INPPL1: variants seen among roughly 807,000 people sequenced by gnomAD.
INPPL1 encodes phosphatidylinositol 3,4,5-trisphosphate 5-phosphatase 2.
INPPL1 carries 91 observed loss-of-function variants against 139.3 expected under a neutral mutation model. The observed-to-expected ratio is 0.65, with a 90% CI of 0.55 to 0.78. The LOEUF is 0.78. Among genes scored for constraint, INPPL1 ranks in the 30% least tolerant of loss-of-function variants. The probability of loss-of-function intolerance (pLI) is 0.00; values close to 1 mark genes in which losing one functional copy is unlikely to be tolerated. For missense variants in INPPL1, 1,411 were observed against 1,665.6 expected (o/e 0.85, Z 2.66); for synonymous variants, 719 against 686.6 (o/e 1.05, Z -0.74).
intron 26 of INPPL1, 112 bp from the exon 27 acceptor site, chr11:72,237,930 A>T (rs552297008): frequency 7.1e-5 from 103 of 1,446,014 alleles, no homozygotes; most frequent in Admixed American, 5.1e-5. Flanking sequence ...TGGGAGACAC[A>T]TGTATCAGCC....
At chr11:72,230,933 G>C (rs1324718308) in intron 11 of INPPL1, 35 bp downstream of exon 11, 2 of 1,612,348 alleles carry the variant, frequency 1.2e-6, no homozygotes, top group South Asian at 1.1e-5. Flanking sequence ...CGGGAGAGAG[G>C]GATGGCCCCA....
rs1281681882 is a variant in INPPL1, at chr11:72,233,139, C to T, written c.2016C>T (p.Ala672=). 1 of 1,613,976 alleles carries T rather than the reference C, an allele frequency of 6.2e-7. No individual in the cohort carries two copies. Among genetic ancestry groups the T allele is most frequent in the Non-Finnish European group, 8.5e-7 (1 of 1,179,972 alleles). The part of the protein sequence containing the change: ...RYERGSRDTY[A]WHKQKPTGVR... ...AGCGGGGTTCCCGGGACACATATGC[C>T]TGGCACAAGCAGAAGCCAACTGGGG... The change falls in exon 17 of 28, where the codon GCC becomes GCT. Residue 672 remains alanine (A), a synonymous_variant. Coordinates refer to ENST00000298229, the MANE Select transcript of INPPL1 (RefSeq NM_001567.4).
Position 72,231,042 on chromosome 11 carries a change from T to G in INPPL1, c.1350T>G (p.Gly450=). Residue 450 remains glycine, a synonymous_variant, in exon 12 of 28, where the codon GGT becomes GGG. Coordinates refer to ENST00000298229, the MANE Select transcript of INPPL1 (RefSeq NM_001567.4). ...TGACATCCTGGTTCACATCGAAGGG[T>G]CTGGGGAAGACCCTGGACGAGGTCA... is the stretch of plus-strand genomic sequence containing the variant. ...KNVTSWFTSK[G]LGKTLDEVTV... The G allele has an allele frequency of 6.2e-7, 1 of 1,614,022 alleles. No individual in the cohort carries two copies. Among genetic ancestry groups the G allele is most frequent in the Non-Finnish European group, 8.5e-7 (1 of 1,179,988 alleles).
chr11:72,235,504 G>A lies in INPPL1; in HGVS notation c.2659+53G>A. On this transcript the variant is annotated intron_variant, in intron 23 of 27. Coordinates refer to ENST00000298229, the MANE Select transcript of INPPL1 (RefSeq NM_001567.4). This position sits in a 1 kb window ranked among gnomAD's most constrained non-coding sequence, Gnocchi z 4.9. Reference sequence around the variant, plus strand: ...GGGTGGTGTGAACAGATCAAGGAGGGCAGGGTGCGGGGGGCATGTTGGAAT... The same window carrying A: ...GGGTGGTGTGAACAGATCAAGGAGGACAGGGTGCGGGGGGCATGTTGGAAT... 6.3e-7 allele frequency: 1 copy of A among 1,591,166 alleles called. No individual in the cohort carries two copies. Among genetic ancestry groups the A allele is most frequent in the Non-Finnish European group, 8.6e-7 (1 of 1,168,110 alleles).
At chr11:72,230,933 G>A (rs1324718308) in intron 11 of INPPL1, 35 bp downstream of exon 11, 3 of 1,612,230 alleles carry the variant, frequency 1.9e-6, no homozygotes, top group Admixed American at 1.7e-5. Flanking sequence ...CGGGAGAGAG[G>A]GATGGCCCCA....
Position 72,238,167 on chromosome 11 carries a change from G to C in INPPL1, c.3678G>C (p.Glu1226Asp), listed in dbSNP as rs577298407. 1.5e-5 allele frequency: 24 copies of C among 1,602,714 alleles called. No homozygotes were observed. The highest frequency in any genetic ancestry group is 2.0e-5 in the Non-Finnish European group (24 of 1,174,798). Residue 1226 changes from glutamate (E) to aspartate (D), a missense_variant, in exon 27 of 28, where the codon GAG (glutamate) becomes GAC (aspartate). Transcript: ENST00000298229. The stretch of plus-strand genomic sequence containing the variant: ...TGCATAATGGCTGGGACGACCTGGA[G>C]TTTCTCAGGTGGGGGAGGGGCTGGC... ...GLVHNGWDDL[E>D]FLSDITEEDL...
chr11:72,223,818 G>A (rs944489552), upstream of INPPL1: 2 of 150,382 alleles, frequency 1.3e-5, no homozygotes, highest in African/African-American at 4.9e-5. Context: ...GGCGAGGCGC[G>A]GTGCTGCCCC....
intron 6 of INPPL1, 29 bp downstream of exon 6, chr11:72,229,587 G>A: frequency 1.9e-6 from 3 of 1,612,974 alleles, no homozygotes; most frequent in Non-Finnish European, 2.5e-6. Flanking sequence ...TCTGGGAGGT[G>A]CGTTCGTGTT....
In INPPL1 at chr11:72,235,211, G is replaced by GTGAGGGGTGC. The variant is rs1948951419; in HGVS notation, c.2503+16_2503+25dup. 1.9e-6 allele frequency: 3 copies of GTGAGGGGTGC among 1,613,948 alleles called. No individual in the cohort carries two copies. ...ATGGCTATGAATCCTATGGTGAGGG[G>GTGAGGGGTGC]TGAGGGGTGCTGAGGGGAACAGGAA... On this transcript the variant is annotated intron_variant, in intron 22 of 27. Transcript: ENST00000298229. The surrounding 1 kb of genome is among the most constrained non-coding windows in gnomAD (Gnocchi z 4.9).
At position 72,238,293 on chromosome 11, in the gene INPPL1, T is replaced by C. The variant is rs767090130; in HGVS notation, c.3717T>C (p.Ala1239=). 1 of 1,608,190 alleles carries C rather than the reference T, an allele frequency of 6.2e-7. No individual in the cohort carries two copies. Among genetic ancestry groups the C allele is most frequent in the East Asian group, 2.2e-5 (1 of 44,658 alleles). Residue 1239 remains alanine (A), a synonymous_variant, in exon 28 of 28, where the codon GCT becomes GCC. Coordinates refer to ENST00000298229, the MANE Select transcript of INPPL1 (RefSeq NM_001567.4). The part of the protein sequence containing the change: ...SDITEEDLEE[A]GVQDPAHKRL... ...TCACCGAGGAGGACTTGGAGGAGGC[T>C]GGGGTGCAGGACCCGGCTCACAAGC...
intron 14 of INPPL1, 73 bp from the exon 15 acceptor site, chr11:72,232,552 CT>C: frequency 6.4e-7 from 1 of 1,562,828 alleles, no homozygotes. Flanking sequence ...GACTTCTTCC[CT>C]TTATGCCTAT....
Position 72,228,444 on chromosome 11 carries a change from C to T in INPPL1, c.343C>T (p.Leu115Phe), listed in dbSNP as rs1005849096. The T allele has an allele frequency of 1.2e-6, 2 of 1,612,326 alleles. No homozygotes were observed. The highest frequency in any genetic ancestry group is 1.3e-5 in the African/African-American group (1 of 75,014). Residue 115 changes from leucine to phenylalanine, a missense_variant, in exon 3 of 28, where the codon CTT becomes TTT. Leu to Phe is a conservative substitution (Grantham distance 22). Around this residue, in one of 5 missense-constraint regions of INPPL1, gnomAD observed 504 missense variants for 595.6 expected, o/e 0.85. Coordinates refer to ENST00000298229, the MANE Select transcript of INPPL1 (RefSeq NM_001567.4). The surrounding 1 kb of genome is among the most constrained non-coding windows in gnomAD (Gnocchi z 5.0). The part of the protein sequence containing the change: ...PNQGLVCALL[L>F]PVEGEREPDP... ...CCAGGGCCTTGTGTGCGCCCTGCTT[C>T]TTCCTGTAGAGGGTGAGCGAGAGCC...
rs746784288 is a variant in INPPL1, at chr11:72,230,855, C to T, written c.1257C>T (p.Asp419=). The change falls in exon 11 of 28, where the codon GAC becomes GAT. Residue 419 remains aspartate, a synonymous_variant. Transcript: ENST00000298229. ...QLMKNKHSKQ[D]EPDMISVFIG... Reference sequence around the variant, plus strand: ...TGAAGAACAAGCACTCCAAGCAGGACGAGCCCGACATGATCTCAGTCTTCA... The same window carrying T: ...TGAAGAACAAGCACTCCAAGCAGGATGAGCCCGACATGATCTCAGTCTTCA... 30 of 1,613,884 alleles carry T rather than the reference C, an allele frequency of 1.9e-5. No homozygotes were observed. Among genetic ancestry groups the T allele is most frequent in the Middle Eastern group, 1.6e-4 (1 of 6,084 alleles).
At chr11:72,225,293 G>A in intron 1 of INPPL1, 127 bp downstream of exon 1, 2 of 1,221,734 alleles carry the variant, frequency 1.6e-6, no homozygotes, top group Non-Finnish European at 2.0e-6. Flanking sequence ...ACCCCCCAGA[G>A]TGGGAGCCTT....
chr11:72,238,803 G>A lies in INPPL1; in HGVS notation c.*450G>A, dbSNP rs1271608877. 1 of 145,672 alleles carries A rather than the reference G, an allele frequency of 6.9e-6. No individual in the cohort carries two copies. Among genetic ancestry groups the A allele is most frequent in the East Asian group, 1.9e-4 (1 of 5,136 alleles). The allele number at this position is 145,672 out of a possible 1,614,324, so 9.0% of individuals were successfully genotyped here. ...GGGCGGGTGTCCGTCCGGAAATGAA[G>A]GAATAGCCCGAGGACCGGGCTGGGG... On this transcript the variant is annotated 3_prime_UTR_variant, in exon 28 of 28. Transcript: ENST00000298229.
Position 72,224,896 on chromosome 11 carries a change from C to T in INPPL1, c.-89C>T, listed in dbSNP as rs1948623052. The T allele has an allele frequency of 3.2e-6, 3 of 937,704 alleles. No individual in the cohort carries two copies. The highest frequency in any genetic ancestry group is 5.7e-5 in the Admixed American group (1 of 17,656). The allele number at this position is 937,704 out of a possible 1,614,324, so 58.1% of individuals were successfully genotyped here. A position where few individuals can be genotyped will look rare whatever the true frequency, so the allele number is the denominator to read the frequency against. Reference sequence around the variant, plus strand: ...GCCCACGGATCCTCAAGCCCGGGCCCCGGGCCCGGCCCCAGCCTCAGCCCT... The same window carrying T: ...GCCCACGGATCCTCAAGCCCGGGCCTCGGGCCCGGCCCCAGCCTCAGCCCT... On this transcript the variant is annotated 5_prime_UTR_variant, in exon 1 of 28. Coordinates refer to ENST00000298229, the MANE Select transcript of INPPL1 (RefSeq NM_001567.4).
At position 72,237,138 on chromosome 11, in the gene INPPL1, G is replaced by A; in HGVS notation, c.2894G>A (p.Gly965Glu). The change falls in exon 26 of 28, where the codon GGA (glycine) becomes GAA (glutamate). Residue 965 changes from glycine to glutamate, a missense_variant. Gly to Glu is a moderately conservative substitution (Grantham distance 98, BLOSUM62 -2). Around this residue, in one of 5 missense-constraint regions of INPPL1, gnomAD observed 438 missense variants for 425.7 expected, o/e 1.03. Coordinates refer to ENST00000298229, the MANE Select transcript of INPPL1 (RefSeq NM_001567.4). ...TCCACACCCAGGTTGAAGCCAGAGG[G>A]AGCTCCTGAACCAGAAGGGGTGGCG... ...EPLTPRLKPE[G>E]APEPEGVAAP... 2 of 1,588,110 alleles carry A rather than the reference G, an allele frequency of 1.3e-6. No individual in the cohort carries two copies.
chr11:72,237,073 T>C (rs1949006662), intron 25 of INPPL1, 51 bp from the exon 26 acceptor site: 5 of 1,510,612 alleles, frequency 3.3e-6, no homozygotes, highest in African/African-American at 2.8e-5. Context: ...TTCCACTGCC[T>C]TAGACCTGGG....
intron 19 of INPPL1, 144 bp downstream of exon 19, chr11:72,233,888 T>C (rs2135436894): frequency 1.5e-6 from 1 of 687,924 alleles, no homozygotes; most frequent in South Asian, 1.7e-5. Context: ...CAAGGTGTGA[T>C]GTGTCAGGGT....
Sources: gnomAD v4.1 joint callset for allele counts on GRCh38, gnomAD v4.1.1 for gene constraint, gnomAD v4.1.1 regional missense constraint, Gnocchi (gnomAD v3.1) non-coding constraint, MANE v1.5 for transcripts, NCBI Gene and HGNC (gene_info 2026-07-23, HGNC 2026-07-21) for gene names.